The following ZC3H12B variants were observed in gnomAD, a reference collection of about 807,000 sequenced individuals.
The protein encoded by ZC3H12B is zinc finger CCCH-type containing 12B.
A neutral mutation model predicts 43.9 loss-of-function variants in ZC3H12B; 7 were observed. The ratio of observed to expected loss-of-function variants is 0.16; its 90% CI spans 0.09 to 0.30. The LOEUF is 0.30. ZC3H12B is among the 10% of genes least tolerant of loss of function. The pLI is 1.00. For synonymous variants in ZC3H12B, 222 were observed against 241.7 expected (o/e 0.92, Z 0.76); for missense variants, 475 against 670.2 (o/e 0.71, Z 3.22).
chrX:65,140,795 T>C, the ZC3H12B span, among the ~76,000 whole-genome samples: 2 of 111,749 alleles, frequency 1.8e-5, no homozygotes, highest in Non-Finnish European at 3.8e-5. Context: ...TATTCAGACT[T>C]GTTAGGTTGT....
At chrX:65,498,907 C>T in intron 2 of ZC3H12B, 92 bp from the exon 8 acceptor site, 1 of 680,699 alleles carries the variant, frequency 1.5e-6, no homozygotes, top group African/African-American at 2.2e-5. Flanking sequence ...TATCTTCATC[C>T]AGTACCAACT....
At chrX:65,193,018 C>T in the ZC3H12B span, among the ~76,000 whole-genome samples, 2 of 110,529 alleles carry the variant, frequency 1.8e-5, no homozygotes, top group Non-Finnish European at 3.8e-5. Context: ...GTGATCCACT[C>T]GCCTCAGCCT....
chrX:65,449,373 C>T (rs1438738088), intron 3 of ZC3H12B, among the ~76,000 whole-genome samples: 1 of 111,591 alleles, frequency 9.0e-6, no homozygotes, highest in Non-Finnish European at 1.9e-5. Context: ...AATCCTAGCA[C>T]ATTGGGAGGC....
chrX:65,118,150 G>A, the ZC3H12B span, among the ~76,000 whole-genome samples: 1 of 111,292 alleles, frequency 9.0e-6, no homozygotes, highest in Non-Finnish European at 1.9e-5. Context: ...AATTACCTTG[G>A]GCAATATGGC....
the ZC3H12B span, among the ~76,000 whole-genome samples, chrX:65,311,677 A>G: frequency 8.9e-6 from 1 of 111,885 alleles, no homozygotes; most frequent in South Asian, 3.7e-4. Context: ...TCATGCTACT[A>G]TAAAGACACA....
the ZC3H12B span, among the ~76,000 whole-genome samples, chrX:65,307,679 T>A: frequency 0.14 from 15,959 of 110,982 alleles, 2,738 homozygotes; most frequent in African/African-American, 0.49. Context: ...ATATGTGTAG[T>A]CCAAAAAAAG....
At chrX:65,215,898 T>C in the ZC3H12B span, among the ~76,000 whole-genome samples, 2 of 111,384 alleles carry the variant, frequency 1.8e-5, no homozygotes, top group African/African-American at 3.3e-5. Context: ...TTACAATATA[T>C]TTTTGTCTCA....
At chrX:65,068,721 G>C in the ZC3H12B span, among the ~76,000 whole-genome samples, 2 of 111,235 alleles carry the variant, frequency 1.8e-5, no homozygotes, top group Non-Finnish European at 1.9e-5. Flanking sequence ...AGCAAATTTT[G>C]TACCTTCAGT....
chrX:65,382,314 A>C (rs1175004401), intron 2 of ZC3H12B, among the ~76,000 whole-genome samples: 2 of 110,133 alleles, frequency 1.8e-5, no homozygotes, highest in Non-Finnish European at 3.8e-5. Flanking sequence ...AAATCAATAA[A>C]TGTAATCCAG....
the ZC3H12B span, among the ~76,000 whole-genome samples, chrX:65,244,677 C>A: frequency 1.1e-5 from 1 of 87,575 alleles, no homozygotes; most frequent in African/African-American, 5.1e-5. Flanking sequence ...CTGCAGTGGA[C>A]CATGACTGCA....
At chrX:65,399,753 C>A (rs183947248) in intron 3 of ZC3H12B, among the ~76,000 whole-genome samples, 2 of 112,043 alleles carry the variant, frequency 1.8e-5, no homozygotes, top group Admixed American at 1.9e-4. Flanking sequence ...TAGCCCTATG[C>A]ACAATAGCCA....
At chrX:65,328,187 T>C in the ZC3H12B span, 1 of 230,096 alleles carries the variant, frequency 4.3e-6, no homozygotes, top group Non-Finnish European at 8.8e-6. Context: ...TGGCACTTTA[T>C]ACACTTGGAA....
At chrX:65,391,564 G>A (rs1200030524) in intron 2 of ZC3H12B, among the ~76,000 whole-genome samples, 1 of 111,618 alleles carries the variant, frequency 9.0e-6, no homozygotes, top group Non-Finnish European at 1.9e-5. Context: ...GGGCCCAACA[G>A]GATGGAGGGC....
chrX:65,480,133 A>G lies in ZC3H12B; in HGVS notation n.408-8513A>G, dbSNP rs184570923. ...CAGTGTTGTCATTGCTTTTACTGAT[A>G]ATCAGATTTTTTAAGGTCCTTTCAC... On this transcript the variant is annotated intron_variant and non_coding_transcript_variant, in intron 3 of 5. Transcript: ENST00000617377. Among the ~76,000 whole-genome samples the G allele has an allele frequency of 2.4e-3, 274 of 112,494 alleles. 1 individual carries two copies. The highest frequency in any genetic ancestry group is 4.4e-3 in the Non-Finnish European group (236 of 53,314).
At chrX:65,486,634 A>G (rs765881523), upstream of ZC3H12B, among the ~76,000 whole-genome samples, 1 of 112,491 alleles carries the variant, frequency 8.9e-6, no homozygotes, top group South Asian at 3.7e-4. Flanking sequence ...TTTCTCTTCT[A>G]CTTTAGGTTA....
At chrX:65,163,823 T>C in the ZC3H12B span, among the ~76,000 whole-genome samples, 2 of 111,927 alleles carry the variant, frequency 1.8e-5, no homozygotes, top group Non-Finnish European at 3.8e-5. Flanking sequence ...ATGAACCCGG[T>C]ACCTCAGATG....
the ZC3H12B span, among the ~76,000 whole-genome samples, chrX:65,077,262 G>A: frequency 8.9e-6 from 1 of 111,831 alleles, no homozygotes; most frequent in African/African-American, 3.3e-5. Flanking sequence ...TTATCCTGCA[G>A]GGGATGAGAC....
the ZC3H12B span, among the ~76,000 whole-genome samples, chrX:65,351,930 C>G: frequency 1.8e-5 from 2 of 112,038 alleles, no homozygotes; most frequent in Non-Finnish European, 3.8e-5. Context: ...GAATCTAGAA[C>G]CAGAAATAAC....
chrX:65,467,422 G>A (rs1484033187), intron 3 of ZC3H12B, among the ~76,000 whole-genome samples: 1 of 111,252 alleles, frequency 9.0e-6, no homozygotes, highest in Non-Finnish European at 1.9e-5. Flanking sequence ...TACATGTGCA[G>A]GTATATTTTT....
Sources: gnomAD v4.1 joint callset for allele counts (sites outside exome capture counted in the v4.1 genomes callset) on GRCh38, gnomAD v4.1.1 for gene constraint, MANE v1.5 for transcripts, NCBI Gene and HGNC (gene_info 2026-07-23, HGNC 2026-07-21) for gene names.